Variants in FUT8 observed in about 807,000 individuals in gnomAD.
FUT8 encodes the protein alpha-(1,6)-fucosyltransferase.
In FUT8, 29 loss-of-function variants were observed where a neutral mutation model predicts 71.3. The ratio of observed to expected loss-of-function variants is 0.41; its 90% CI spans 0.30 to 0.55. The LOEUF (loss-of-function observed/expected upper bound fraction) is 0.55, where lower values mean the gene tolerates loss of function less well. Ranked by LOEUF, FUT8 falls within the 20% of genes least tolerant of loss-of-function variation. The pLI, the probability that FUT8 is intolerant of heterozygous loss-of-function variation, is 0.34. For missense variants in FUT8, 544 were observed against 702.1 expected, an observed-to-expected ratio of 0.77 and a Z score of 2.55; for synonymous variants, 254 against 239.3, an observed-to-expected ratio of 1.06 and a Z score of -0.57.
At chr14:65,464,827 C>G (rs773122357) in intron 2 of FUT8, among the ~76,000 whole-genome samples, 1 of 152,064 alleles carries the variant, frequency 6.6e-6, no homozygotes, top group Non-Finnish European at 1.5e-5. Context: ...GGCTTATGAT[C>G]GGGGTAATGT....
At chr14:65,598,291 C>G (rs2140161217) in intron 3 of FUT8, among the ~76,000 whole-genome samples, 1 of 151,942 alleles carries the variant, frequency 6.6e-6, no homozygotes, top group East Asian at 1.9e-4. Flanking sequence ...GGCGTGATCT[C>G]AGCTCACTGC....
At position 65,538,161 on chromosome 14, in the gene FUT8, A is replaced by C. The variant is rs1341143082; in HGVS notation, c.-227-23176A>C. Among the ~76,000 whole-genome samples the C allele has an allele frequency of 2.6e-5, 4 of 152,268 alleles. No homozygotes were observed. The East Asian group carries it at 7.7e-4, about 29-fold the overall frequency. On this transcript the variant is annotated intron_variant, in intron 2 of 10. Transcript: ENST00000673929. Reference sequence around the variant, plus strand: ...TGTGCTCCACTACAGATGCTCCCACACCAAACCCTCTGGGCTCTATCCTTA... The same window carrying C: ...TGTGCTCCACTACAGATGCTCCCACCCCAAACCCTCTGGGCTCTATCCTTA...
At chr14:65,541,424 C>T (rs1455058014) in intron 2 of FUT8, among the ~76,000 whole-genome samples, 3 of 152,192 alleles carry the variant, frequency 2.0e-5, no homozygotes, top group Non-Finnish European at 4.4e-5. Flanking sequence ...AACCCAAGGT[C>T]TAAGTCTCAG....
At chr14:65,366,997 A>C in the FUT8 span, among the ~76,000 whole-genome samples, 1 of 152,214 alleles carries the variant, frequency 6.6e-6, no homozygotes, top group African/African-American at 2.4e-5. Flanking sequence ...AAGAGAGAAA[A>C]GACTCTGTGT....
chr14:65,724,320 C>A lies in FUT8; in HGVS notation c.1256C>A (p.Thr419Lys). 1 of 1,598,208 alleles carries A rather than the reference C, an allele frequency of 6.3e-7. No individual in the cohort carries two copies. Among genetic ancestry groups the A allele is most frequent in the African/African-American group, 1.3e-5 (1 of 74,542 alleles). ...DDPSLLKEAK[T>K]KYPNYEFISD... ...CCTTCTTTATTAAAGGAGGCAAAAA[C>A]AAAGTAAGTTAGACCAACTAGTGAT... Residue 419 changes from threonine to lysine, a missense_variant, in exon 9 of 11, where the codon ACA (threonine) becomes AAA (lysine). Physicochemically the swap from Thr to Lys is moderately conservative, Grantham distance 78 (BLOSUM62 -1). Coordinates refer to ENST00000673929, the MANE Select transcript of FUT8 (RefSeq NM_001371533.1).
chr14:65,485,152 C>T (rs1275786794), intron 2 of FUT8, among the ~76,000 whole-genome samples: 1 of 151,462 alleles, frequency 6.6e-6, no homozygotes, highest in Admixed American at 6.6e-5. Context: ...CCCTGGCCAA[C>T]ATAGTAATAC....
intron 2 of FUT8, among the ~76,000 whole-genome samples, chr14:65,492,490 G>C (rs539915830): frequency 2.6e-5 from 4 of 152,206 alleles, no homozygotes; most frequent in Non-Finnish European, 5.9e-5. Flanking sequence ...TTTTCTGTAT[G>C]TCACTTCCTT....
At chr14:65,510,819 T>A (rs1016156856) in intron 2 of FUT8, among the ~76,000 whole-genome samples, 4 of 152,100 alleles carry the variant, frequency 2.6e-5, no homozygotes, top group Admixed American at 1.3e-4. Flanking sequence ...TTTTCCTTAG[T>A]CTGGCTTAAG....
intron 6 of FUT8, among the ~76,000 whole-genome samples, chr14:65,634,228 C>T (rs1055943221): frequency 1.4e-4 from 22 of 152,072 alleles, no homozygotes; most frequent in South Asian, 4.2e-4. Context: ...AAGAAAAATT[C>T]TTCTGCCTTG....
At chr14:65,723,144 C>G (rs914033121) in intron 8 of FUT8, among the ~76,000 whole-genome samples, 6 of 149,136 alleles carry the variant, frequency 4.0e-5, no homozygotes, top group African/African-American at 1.5e-4. Flanking sequence ...GGTTGAAACC[C>G]CATCAATTAA....
chr14:65,431,702 G>A (rs2065479386), intron 1 of FUT8, among the ~76,000 whole-genome samples: 1 of 149,346 alleles, frequency 6.7e-6, no homozygotes. Context: ...CTATCCAACA[G>A]AAGCTTCTTC....
chr14:65,380,227 A>G, the FUT8 span, among the ~76,000 whole-genome samples: 1 of 152,156 alleles, frequency 6.6e-6, no homozygotes, highest in African/African-American at 2.4e-5. Flanking sequence ...AAAAATGAGG[A>G]AGGAGCAAAA....
chr14:65,575,993 G>T (rs758563388), intron 3 of FUT8, among the ~76,000 whole-genome samples: 3 of 152,144 alleles, frequency 2.0e-5, no homozygotes, highest in Non-Finnish European at 2.9e-5. Context: ...ACAGTTGGCC[G>T]CAAGTAAGTA....
chr14:65,419,306 A>G (rs1269891994), intron 1 of FUT8, among the ~76,000 whole-genome samples: 2 of 152,038 alleles, frequency 1.3e-5, no homozygotes, highest in Non-Finnish European at 2.9e-5. Context: ...TCTAACCTTC[A>G]TGTGCCTCAT....
At chr14:65,426,645 C>T (rs1480329757) in intron 1 of FUT8, among the ~76,000 whole-genome samples, 1 of 152,188 alleles carries the variant, frequency 6.6e-6, no homozygotes, top group Non-Finnish European at 1.5e-5. Context: ...TTAAGGAGGA[C>T]ATCATTCACA....
At chr14:65,450,318 A>G (rs998343608) in intron 1 of FUT8, among the ~76,000 whole-genome samples, 8 of 151,908 alleles carry the variant, frequency 5.3e-5, no homozygotes, top group African/African-American at 1.9e-4. Context: ...AAAGTCTAAC[A>G]TTTTTCTTTC....
At position 65,669,183 on chromosome 14, in the gene FUT8, A is replaced by C; in HGVS notation, c.598-60A>C. ...GAAGATGAAAGATTAAAAAAAAAAA[A>C]GAGCAGTTGACCTCTCTGTACAACT... is the stretch of plus-strand genomic sequence containing the variant. On this transcript the variant is annotated intron_variant, in intron 6 of 10. Transcript: ENST00000673929. This position sits in a 1 kb window ranked among gnomAD's most constrained non-coding sequence, Gnocchi z 4.5. 8.1e-7 allele frequency: 1 copy of C among 1,227,332 alleles called. No individual in the cohort carries two copies. Among genetic ancestry groups the C allele is most frequent in the Non-Finnish European group, 1.2e-6 (1 of 866,148 alleles). The allele number at this position is 1,227,332 out of a possible 1,614,324, so 76.0% of individuals were successfully genotyped here.
the FUT8 span, among the ~76,000 whole-genome samples, chr14:65,382,422 C>A: frequency 6.6e-6 from 1 of 152,154 alleles, no homozygotes; most frequent in Non-Finnish European, 1.5e-5. Context: ...CTGAAACCTT[C>A]GCCTCCCGAG....
intron 3 of FUT8, among the ~76,000 whole-genome samples, chr14:65,570,683 T>C (rs960716346): frequency 6.6e-6 from 1 of 152,080 alleles, no homozygotes; most frequent in Non-Finnish European, 1.5e-5. Flanking sequence ...AACCTTCTAT[T>C]GTATACCTTA....
Sources: gnomAD v4.1 joint callset for allele counts (sites outside exome capture counted in the v4.1 genomes callset) on GRCh38, gnomAD v4.1.1 for gene constraint, Gnocchi (gnomAD v3.1) non-coding constraint, MANE v1.5 for transcripts, NCBI Gene and HGNC (gene_info 2026-07-23, HGNC 2026-07-21) for gene names.